The following KPNB1 variants were observed in gnomAD, a reference collection of about 807,000 sequenced individuals.
KPNB1 encodes karyopherin subunit beta 1, also known as importin subunit beta-1.
A neutral mutation model predicts 113.0 loss-of-function variants in KPNB1; 7 were observed. The observed-to-expected ratio is 0.06, with a 90% confidence interval of 0.04 to 0.12. The LOEUF (loss-of-function observed/expected upper bound fraction) is 0.12. Among genes scored for constraint, KPNB1 ranks in the 10% least tolerant of loss-of-function variants. The pLI, the probability that KPNB1 is intolerant of heterozygous loss-of-function variation, is 1.00. For synonymous variants in KPNB1, 363 were observed against 378.6 expected (o/e 0.96, Z 0.48); for missense variants, 400 against 1,054.8 (o/e 0.38, Z 8.60).
At chr17:47,675,361 G>GTTTTTTTTTGTTTTTTTTT in intron 15 of KPNB1, among the ~76,000 whole-genome samples, 1 of 88,692 alleles carries the variant, frequency 1.1e-5, no homozygotes, top group Admixed American at 1.1e-4. Flanking sequence ...CAGAGGTGTT[G>GTTTTTTTTTGTTTTTTTTT]TTTTTTTTTT....
chr17:47,650,568 TCCCCCTC>T (rs1200753057), intron 2 of KPNB1, 124 bp downstream of exon 2: 2 of 406,266 alleles, frequency 4.9e-6, no homozygotes, highest in Admixed American at 3.9e-5. Context: ...CCCTCCCCCC[TCCCCCTC>T]CCCCCCCAAC....
intron 19 of KPNB1, 76 bp from the exon 20 acceptor site, chr17:47,679,944 G>T: frequency 3.5e-6 from 3 of 852,288 alleles, no homozygotes; most frequent in Non-Finnish European, 2.0e-6. Context: ...TGATCCACCC[G>T]CCTGGGCCTC....
intron 12 of KPNB1, among the ~76,000 whole-genome samples, chr17:47,672,015 T>G (rs1448342032): frequency 8.2e-6 from 1 of 121,758 alleles, no homozygotes; most frequent in East Asian, 3.0e-4. Context: ...CACAAAATCT[T>G]CCTTTTTTTT....
At position 47,664,107 on chromosome 17, in the gene KPNB1, G is replaced by A. The variant is rs182448261; in HGVS notation, c.787-52G>A. ...GTGGTTAAAGCCGGGTTGGGGCAGG[G>A]ACTCACTTGAATCAGTACTTATTTG... On this transcript the variant is annotated intron_variant, in intron 7 of 21. Transcript: ENST00000290158. 360 of 1,135,586 alleles carry A rather than the reference G, an allele frequency of 3.2e-4. 1 individual carries two copies. The African/African-American group carries it at 3.8e-3, about 12-fold the overall frequency. The allele number at this position is 1,135,586 out of a possible 1,614,324, so 70.3% of individuals were successfully genotyped here.
chr17:47,652,158 C>G (rs914857588), intron 2 of KPNB1, among the ~76,000 whole-genome samples: 1 of 152,132 alleles, frequency 6.6e-6, no homozygotes, highest in African/African-American at 2.4e-5. Flanking sequence ...CATAAAAGAT[C>G]ACCTCCTTCC....
chr17:47,658,006 C>T (rs2029958999), intron 4 of KPNB1, among the ~76,000 whole-genome samples: 1 of 152,130 alleles, frequency 6.6e-6, no homozygotes, highest in African/African-American at 2.4e-5. Flanking sequence ...CACTTGAACC[C>T]AGGAATTTGA....
intron 2 of KPNB1, among the ~76,000 whole-genome samples, chr17:47,652,416 G>A (rs1915607156): frequency 6.6e-6 from 1 of 152,004 alleles, no homozygotes; most frequent in Non-Finnish European, 1.5e-5. Context: ...ATGACAATTT[G>A]GGCACTAAGA....
intron 15 of KPNB1, among the ~76,000 whole-genome samples, chr17:47,676,076 C>T (rs1449925345): frequency 2.0e-5 from 3 of 152,076 alleles, no homozygotes; most frequent in Non-Finnish European, 2.9e-5. Flanking sequence ...AGGAGGTGGA[C>T]AAGAGTCAGT....
Position 47,683,749 on chromosome 17 carries a change from T to TGGTCAGAGCTCCAGAGTGTATTC in KPNB1, c.*1345_*1346insGGTCAGAGCTCCAGAGTGTATTC. ...CAAAAAAAAGTGTGTGTTGTGTGAA[T>TGGTCAGAGCTCCAGAGTGTATTC]ACACACACACACTAACTAGAAGTCT... On this transcript the variant is annotated 3_prime_UTR_variant, in exon 22 of 22. Coordinates refer to ENST00000290158, the MANE Select transcript of KPNB1 (RefSeq NM_002265.6). 6.6e-6 allele frequency: 1 copy of TGGTCAGAGCTCCAGAGTGTATTC among 152,102 alleles called. No homozygotes were observed. Among genetic ancestry groups the TGGTCAGAGCTCCAGAGTGTATTC allele is most frequent in the South Asian group, 2.1e-4 (1 of 4,814 alleles). The allele number at this position is 152,102 out of a possible 1,614,324, so 9.4% of individuals were successfully genotyped here. A position where few individuals can be genotyped will look rare whatever the true frequency, so the allele number is the denominator to read the frequency against.
intron 10 of KPNB1, among the ~76,000 whole-genome samples, chr17:47,669,020 C>CG (rs1567892213): frequency 6.6e-6 from 1 of 150,642 alleles, no homozygotes; most frequent in African/African-American, 2.4e-5. Flanking sequence ...AGAATTCAGT[C>CG]TTCAGTCTTT....
rs770060234 is a variant in KPNB1 at position 47,661,121 on chromosome 17, T to C, written c.639T>C (p.Ser213=). 3.1e-6 allele frequency: 5 copies of C among 1,611,528 alleles called. No individual in the cohort carries two copies. Among genetic ancestry groups the C allele is most frequent in the Non-Finnish European group, 4.2e-6 (5 of 1,177,584 alleles). Residue 213 remains serine, a splice_region_variant and synonymous_variant, in exon 6 of 22, where the codon TCT becomes TCC. Coordinates refer to ENST00000290158, the MANE Select transcript of KPNB1 (RefSeq NM_002265.6). The part of the protein sequence containing the change: ...EFTKANFDKE[S]ERHFIMQVVC... ...CTTTATTTTTATTCCTCCTACAGTC[T>C]GAAAGGCACTTTATTATGCAGGTGG...
chr17:47,683,109 A>AC lies in KPNB1; in HGVS notation c.*705_*706insC, dbSNP rs2030837381. The AC allele has an allele frequency of 1.4e-5, 2 of 147,544 alleles. No homozygotes were observed. The highest frequency in any genetic ancestry group is 3.0e-5 in the Non-Finnish European group (2 of 66,858). 9.1% of individuals were successfully genotyped at this position (147,544 alleles called of 1,614,324 possible). Reference sequence around the variant, plus strand: ...GAGATGTAAAAAAAAAAAAAAAAAAAAAAAAAAAAACACACACACAGAGGA... The same window carrying AC: ...GAGATGTAAAAAAAAAAAAAAAAAAACAAAAAAAAAACACACACACAGAGGA... On this transcript the variant is annotated 3_prime_UTR_variant, in exon 22 of 22. Coordinates refer to ENST00000290158, the MANE Select transcript of KPNB1 (RefSeq NM_002265.6).
chr17:47,665,577 G>A (rs778108468), intron 9 of KPNB1, among the ~76,000 whole-genome samples: 8 of 152,198 alleles, frequency 5.3e-5, no homozygotes, highest in African/African-American at 1.4e-4. Context: ...AAGGAAGTTG[G>A]ATATAAGTTA....
chr17:47,675,361 G>T lies in KPNB1; in HGVS notation c.1912+579G>T, dbSNP rs867574897. On this transcript the variant is annotated intron_variant, in intron 15 of 21. Coordinates refer to ENST00000290158, the MANE Select transcript of KPNB1 (RefSeq NM_002265.6). Reference sequence around the variant, plus strand: ...TGCAACGGAGATTGGCAGAGGTGTTGTTTTTTTTTTGTTTTTTTTTTTTGT... The same window carrying T: ...TGCAACGGAGATTGGCAGAGGTGTTTTTTTTTTTTTGTTTTTTTTTTTTGT... Among the ~76,000 whole-genome samples, 501 of 88,602 alleles carry T rather than the reference G, an allele frequency of 5.7e-3. 8 individuals are homozygous for T. The highest frequency in any genetic ancestry group is 0.017 in the African/African-American group (373 of 21,512). 58.1% of individuals were successfully genotyped at this position (88,602 alleles called of 152,430 possible). A position where few individuals can be genotyped will look rare whatever the true frequency, so the allele number is the denominator to read the frequency against.
intron 10 of KPNB1, among the ~76,000 whole-genome samples, chr17:47,669,206 T>G (rs1183250994): frequency 2.0e-5 from 3 of 152,150 alleles, no homozygotes; most frequent in African/African-American, 7.2e-5. Flanking sequence ...GCTCCCCAGC[T>G]TAAGCAATTC....
At chr17:47,651,377 G>A (rs1915564170) in intron 2 of KPNB1, 7 of 984,406 alleles carry the variant, frequency 7.1e-6, no homozygotes, top group African/African-American at 1.7e-5. Flanking sequence ...TTTGAGAAAG[G>A]TAATAGGAAT....
intron 14 of KPNB1, among the ~76,000 whole-genome samples, 167 bp from the exon 15 acceptor site, chr17:47,674,471 G>A (rs1181090883): frequency 6.6e-6 from 1 of 152,184 alleles, no homozygotes; most frequent in African/African-American, 2.4e-5. Flanking sequence ...ATGTTAAAAT[G>A]TATTGCTGAT....
At chr17:47,662,533 G>A (rs2030134255) in intron 6 of KPNB1, among the ~76,000 whole-genome samples, 1 of 150,902 alleles carries the variant, frequency 6.6e-6, no homozygotes, top group African/African-American at 2.4e-5. Context: ...CGTGATCATG[G>A]CCACTATACT....
chr17:47,668,118 C>T, intron 9 of KPNB1, 68 bp from the exon 10 acceptor site: 2 of 1,257,158 alleles, frequency 1.6e-6, no homozygotes, highest in Non-Finnish European at 2.3e-6. Context: ...CAAGAGTAGT[C>T]AGAGGACCTT....
Sources: gnomAD v4.1 joint callset for allele counts (sites outside exome capture counted in the v4.1 genomes callset) on GRCh38, gnomAD v4.1.1 for gene constraint, MANE v1.5 for transcripts, NCBI Gene and HGNC (gene_info 2026-07-23, HGNC 2026-07-21) for gene names.